The following GBF1 variants were observed in gnomAD, a reference collection of about 807,000 sequenced individuals.
GBF1 encodes golgi brefeldin A resistant guanine nucleotide exchange factor 1, also known as Golgi-specific brefeldin A-resistance guanine nucleotide exchange factor 1.
Under a neutral mutation model 210.5 loss-of-function variants are expected in GBF1, and 114 were observed. That is an observed-to-expected ratio of 0.54 (90% CI 0.47 to 0.63). GBF1 has a LOEUF of 0.63. Ranked by LOEUF, GBF1 falls within the 30% of genes least tolerant of loss-of-function variation. The pLI is 0.00. For missense variants in GBF1, 1,851 were observed against 2,357.7 expected, an observed-to-expected ratio of 0.79 and a Z score of 4.45; for synonymous variants, 850 against 889.2, an observed-to-expected ratio of 0.96 and a Z score of 0.78.
At position 102,376,328 on chromosome 10, in the gene GBF1, C is replaced by T. The variant is rs1206514838; in HGVS notation, c.3943C>T (p.Arg1315Ter). The T allele has an allele frequency of 1.9e-6, 3 of 1,613,548 alleles. No individual in the cohort carries two copies. The highest frequency in any genetic ancestry group is 2.2e-5 in the East Asian group (1 of 44,872). Residue 1315 changes from arginine (R) to a stop codon, truncating the protein, a stop_gained, in exon 31 of 40, where the codon CGA becomes TGA. Coordinates refer to ENST00000369983, the MANE Select transcript of GBF1 (RefSeq NM_001377137.1). LOFTEE classifies it high-confidence loss of function. ...CCATCAGAATGACGTGAGCCTGGAT[C>T]GAGGGTACACTTCCGACTCAGAGGT... Reference protein sequence around the residue: ...SYHQNDVSLDRGYTSDSEVYT... With the variant: ...SYHQNDVSLD
At chr10:102,307,100 T>G (rs1565089625) in intron 3 of GBF1, among the ~76,000 whole-genome samples, 2 of 152,194 alleles carry the variant, frequency 1.3e-5, no homozygotes, top group African/African-American at 4.8e-5. Flanking sequence ...TATCCAGAAT[T>G]TCCATTTACT....
At chr10:102,357,304 T>A (rs1026500763) in intron 8 of GBF1, among the ~76,000 whole-genome samples, 3 of 151,962 alleles carry the variant, frequency 2.0e-5, no homozygotes, top group African/African-American at 4.8e-5. Context: ...CTGGCCAACA[T>A]AGTGAAACCC....
intron 17 of GBF1, among the ~76,000 whole-genome samples, chr10:102,364,488 T>A (rs1485079330): frequency 6.0e-5 from 9 of 149,892 alleles, no homozygotes; most frequent in Admixed American, 6.0e-4. Flanking sequence ...CCTCCCAAAG[T>A]GCTGGGATTA....
intron 4 of GBF1, among the ~76,000 whole-genome samples, chr10:102,350,019 T>C (rs1397362586): frequency 6.6e-6 from 1 of 152,164 alleles, no homozygotes; most frequent in Non-Finnish European, 1.5e-5. Flanking sequence ...GGATTCTTGC[T>C]CGTCGTCATA....
chr10:102,244,958 C>T (rs565484999), upstream of GBF1, among the ~76,000 whole-genome samples: 1 of 152,272 alleles, frequency 6.6e-6, no homozygotes, highest in South Asian at 2.1e-4. Flanking sequence ...TGGGACGTGA[C>T]AGACATAACT....
At chr10:102,280,200 A>G (rs560710271) in intron 3 of GBF1, among the ~76,000 whole-genome samples, 47 of 152,302 alleles carry the variant, frequency 3.1e-4, no homozygotes, top group Non-Finnish European at 5.4e-4. Flanking sequence ...GAAAGAGGAA[A>G]GGGGCAGAAG....
intron 1 of GBF1, among the ~76,000 whole-genome samples, chr10:102,255,905 G>A (rs920147267): frequency 6.6e-6 from 1 of 152,172 alleles, no homozygotes; most frequent in African/African-American, 2.4e-5. Context: ...ATCTTGTGTT[G>A]GATTCCCTTG....
rs2134041847 is a variant in GBF1, at chr10:102,314,885, C to T, written c.164-29166C>T. ...GGCAAGTCTGACATTTGTGAAACCT[C>T]TCATTAACATTTTCCCCAAAGAGCA... is the stretch of plus-strand genomic sequence containing the variant. On this transcript the variant is annotated intron_variant, in intron 3 of 39. Coordinates refer to ENST00000369983, the MANE Select transcript of GBF1 (RefSeq NM_001377137.1). Among the ~76,000 whole-genome samples, 2 of 152,288 alleles carry T rather than the reference C, an allele frequency of 1.3e-5. 1 individual carries two copies. The highest frequency in any genetic ancestry group is 3.9e-4 in the East Asian group (2 of 5,182).
upstream of GBF1, among the ~76,000 whole-genome samples, chr10:102,242,826 G>A (rs1410129918): frequency 6.6e-6 from 1 of 151,982 alleles, no homozygotes; most frequent in African/African-American, 2.4e-5. Flanking sequence ...CTACTGGGGA[G>A]GCTGAGGAAG....
At chr10:102,232,045 C>T in the GBF1 span, 1 of 1,605,010 alleles carries the variant, frequency 6.2e-7, no homozygotes, top group East Asian at 2.2e-5. Context: ...GGGCAGGGCT[C>T]CGGGCCTCTG....
intron 3 of GBF1, among the ~76,000 whole-genome samples, chr10:102,320,551 C>T (rs2056301355): frequency 6.6e-6 from 1 of 152,038 alleles, no homozygotes; most frequent in Non-Finnish European, 1.5e-5. Flanking sequence ...GTCTCACCTT[C>T]TACCTGGTGC....
At chr10:102,325,046 A>G (rs996282292) in intron 3 of GBF1, among the ~76,000 whole-genome samples, 1 of 152,174 alleles carries the variant, frequency 6.6e-6, no homozygotes, top group East Asian at 1.9e-4. Flanking sequence ...TTTCTTCTCC[A>G]GTCTTTACCT....
At chr10:102,275,377 A>G (rs1480296771) in intron 3 of GBF1, among the ~76,000 whole-genome samples, 1 of 152,200 alleles carries the variant, frequency 6.6e-6, no homozygotes, top group Non-Finnish European at 1.5e-5. Flanking sequence ...ATTTCATCAT[A>G]TATTTGTCTT....
chr10:102,340,628 C>T (rs773378971), intron 3 of GBF1, among the ~76,000 whole-genome samples: 3 of 151,560 alleles, frequency 2.0e-5, no homozygotes, highest in South Asian at 2.1e-4. Flanking sequence ...AGGCTGGTCT[C>T]GAACTCCTAG....
chr10:102,254,998 G>C (rs2072136659), intron 1 of GBF1, among the ~76,000 whole-genome samples: 1 of 152,090 alleles, frequency 6.6e-6, no homozygotes, highest in Admixed American at 6.6e-5. Flanking sequence ...AGGAGATTAG[G>C]CAGCTCTGCA....
chr10:102,242,848 G>C (rs558284510), upstream of GBF1, among the ~76,000 whole-genome samples: 14 of 149,966 alleles, frequency 9.3e-5, no homozygotes, highest in South Asian at 1.0e-3. Flanking sequence ...AGAATGGCGT[G>C]AACCCAGGAG....
intron 4 of GBF1, among the ~76,000 whole-genome samples, chr10:102,344,510 T>G (rs1184449363): frequency 1.3e-5 from 2 of 152,084 alleles, no homozygotes; most frequent in Non-Finnish European, 2.9e-5. Flanking sequence ...AGATGGAGTC[T>G]CACTCTGTCG....
chr10:102,281,003 A>T (rs2075430530), intron 3 of GBF1, among the ~76,000 whole-genome samples: 1 of 151,798 alleles, frequency 6.6e-6, no homozygotes, highest in African/African-American at 2.4e-5. Flanking sequence ...TTGGCAGGGG[A>T]TGGGTACACT....
At chr10:102,245,031 G>C (rs1175732382), upstream of GBF1, among the ~76,000 whole-genome samples, 2 of 152,124 alleles carry the variant, frequency 1.3e-5, no homozygotes, top group Non-Finnish European at 2.9e-5. Flanking sequence ...GGAATAGATC[G>C]CTGGACTTGT....
Sources: allele counts gnomAD v4.1 joint callset (sites outside exome capture counted in the v4.1 genomes callset), GRCh38; gene constraint gnomAD v4.1.1; transcripts MANE v1.5; gene names NCBI Gene and HGNC (gene_info 2026-07-23, HGNC 2026-07-21).